Variants in ZNF181 observed in about 807,000 individuals in gnomAD.
The protein encoded by ZNF181 is zinc finger protein 181 (HHZ181).
A neutral mutation model predicts 11.9 loss-of-function variants in ZNF181; 8 were observed. The ratio of observed to expected loss-of-function variants is 0.67; its 90% CI spans 0.39 to 1.21. ZNF181 has a LOEUF of 1.21. Among genes scored for constraint, ZNF181 ranks in the 50% most tolerant of loss-of-function variants. The probability of loss-of-function intolerance (pLI) is 0.01; values close to 1 mark genes in which losing one functional copy is unlikely to be tolerated. For missense variants in ZNF181, 542 were observed against 670.9 expected, an observed-to-expected ratio of 0.81 and a Z score of 2.12; for synonymous variants, 202 against 221.1, an observed-to-expected ratio of 0.91 and a Z score of 0.77.
chr19:34,735,972 T>A, intron 1 of ZNF181: 1 of 552,010 alleles, frequency 1.8e-6, no homozygotes, highest in Non-Finnish European at 3.2e-6. Context: ...TTCCACAGTG[T>A]GTGTCACTCA....
rs1600144254 is a variant in ZNF181, at chr19:34,741,122, C to T, written c.741C>T (p.Gly247=). Reference sequence around the variant, plus strand: ...GCAGTGAATGTGGGAAAGCCTTTGGCAAACAGTCAATCCTCAATCGCCACT... The same window carrying T: ...GCAGTGAATGTGGGAAAGCCTTTGGTAAACAGTCAATCCTCAATCGCCACT... ...YTCSECGKAF[G]KQSILNRHWR... The change falls in exon 4 of 4, where the codon GGC becomes GGT. Residue 247 remains glycine (G), a synonymous_variant. Transcript: ENST00000492450. 1 of 1,613,968 alleles carries T rather than the reference C, an allele frequency of 6.2e-7. No individual in the cohort carries two copies. The highest frequency in any genetic ancestry group is 1.7e-5 in the Admixed American group (1 of 59,998).
intron 1 of ZNF181, among the ~76,000 whole-genome samples, chr19:34,738,535 T>C (rs1373073729): frequency 6.6e-6 from 1 of 150,486 alleles, no homozygotes; most frequent in Non-Finnish European, 1.5e-5. Context: ...ATATAAAGGT[T>C]TTTTTTTTGT....
rs556166309 is a variant in ZNF181 at position 34,742,310 on chromosome 19, A to C, written c.*213A>C. The C allele has an allele frequency of 2.0e-4, 79 of 394,214 alleles. No individual in the cohort carries two copies. Among genetic ancestry groups the C allele is most frequent in the Middle Eastern group, 6.9e-4 (1 of 1,452 alleles). 24.4% of individuals were successfully genotyped at this position (394,214 alleles called of 1,614,324 possible). ...TGTCAGTATTAATCCCTTAATTGAC[A>C]TAAGTATACTCACACTAGGATAAAA... On this transcript the variant is annotated 3_prime_UTR_variant, in exon 4 of 4. Coordinates refer to ENST00000492450, the MANE Select transcript of ZNF181 (RefSeq NM_001029997.4).
intron 3 of ZNF181, among the ~76,000 whole-genome samples, chr19:34,740,192 T>A (rs1293413239): frequency 6.6e-6 from 1 of 152,240 alleles, no homozygotes; most frequent in Non-Finnish European, 1.5e-5. Context: ...TAACATCAAT[T>A]CTGTATTTTA....
In ZNF181 at chr19:34,744,212, A is replaced by G. The variant is rs2069014848; in HGVS notation, c.*2115A>G. The G allele has an allele frequency of 6.6e-6, 1 of 152,226 alleles. No individual in the cohort carries two copies. The highest frequency in any genetic ancestry group is 2.1e-4 in the South Asian group (1 of 4,830). 9.4% of individuals were successfully genotyped at this position (152,226 alleles called of 1,614,324 possible). A position where few individuals can be genotyped will look rare whatever the true frequency, so the allele number is the denominator to read the frequency against. ...TAACAGAAAGCCAAAGCACAGAGGC[A>G]TATTCCAATAGCAATTTGCAAGAGA... On this transcript the variant is annotated 3_prime_UTR_variant, in exon 4 of 4. Coordinates refer to ENST00000492450, the MANE Select transcript of ZNF181 (RefSeq NM_001029997.4).
In ZNF181 at chr19:34,743,717, C is replaced by A. The variant is rs1220916580; in HGVS notation, c.*1620C>A. On this transcript the variant is annotated 3_prime_UTR_variant, in exon 4 of 4. Coordinates refer to ENST00000492450, the MANE Select transcript of ZNF181 (RefSeq NM_001029997.4). ...CTGAGTCATAGTTACGGGAGTTTAC[C>A]TTGAAATCACTAGCCCAGAAGTGTT... is the stretch of plus-strand genomic sequence containing the variant. The A allele has an allele frequency of 6.6e-6, 1 of 152,210 alleles. No individual in the cohort carries two copies. Among genetic ancestry groups the A allele is most frequent in the Non-Finnish European group, 1.5e-5 (1 of 68,034 alleles). The allele number at this position is 152,210 out of a possible 1,614,324, so 9.4% of individuals were successfully genotyped here.
Position 34,739,626 on chromosome 19 carries a change from G to T in ZNF181, c.229+5G>T, listed in dbSNP as rs529509651. The T allele has an allele frequency of 6.2e-7, 1 of 1,613,936 alleles. No homozygotes were observed. Among genetic ancestry groups the T allele is most frequent in the South Asian group, 1.1e-5 (1 of 91,074 alleles). On this transcript the variant is annotated splice_donor_5th_base_variant and intron_variant, in intron 3 of 3. Transcript: ENST00000492450. ...TGTCAAAAGGTATGATTCCAGGTGA[G>T]TCATGGTGAACGAGACAAAGGAAGA... is the stretch of plus-strand genomic sequence containing the variant.
In ZNF181 at chr19:34,744,607, C is replaced by G. The variant is rs2069017811; in HGVS notation, c.*2510C>G. 1 of 152,200 alleles carries G rather than the reference C, an allele frequency of 6.6e-6. No homozygotes were observed. Among genetic ancestry groups the G allele is most frequent in the Non-Finnish European group, 1.5e-5 (1 of 68,086 alleles). 9.4% of individuals were successfully genotyped at this position (152,200 alleles called of 1,614,324 possible). ...ACAGGAGTTTTAAGGTCACAGTGAG[C>G]TATCATCACACCACTGCTTTCCAGC... On this transcript the variant is annotated 3_prime_UTR_variant, in exon 4 of 4. Transcript: ENST00000492450.
chr19:34,742,206 C>T lies in ZNF181; in HGVS notation c.*109C>T, dbSNP rs2068991491. On this transcript the variant is annotated 3_prime_UTR_variant, in exon 4 of 4. Transcript: ENST00000492450. ...TGGTGAATATAGGAAGACCTTTTAG[C>T]AAAGATGCAGGCCAGTTTGTTTATT... The T allele has an allele frequency of 3.5e-6, 4 of 1,149,222 alleles. No homozygotes were observed. Among genetic ancestry groups the T allele is most frequent in the Non-Finnish European group, 4.9e-6 (4 of 820,072 alleles). The allele number at this position is 1,149,222 out of a possible 1,614,324, so 71.2% of individuals were successfully genotyped here. A position where few individuals can be genotyped will look rare whatever the true frequency, so the allele number is the denominator to read the frequency against.
chr19:34,741,694 G>A lies in ZNF181; in HGVS notation c.1313G>A (p.Cys438Tyr), dbSNP rs772099540. The change falls in exon 4 of 4, where the codon TGC (cysteine) becomes TAC (tyrosine). Residue 438 changes from cysteine (C) to tyrosine (Y), a missense_variant. Physicochemically the swap from Cys to Tyr is radical, Grantham distance 194 (BLOSUM62 -2). Transcript: ENST00000492450. ...TEEKPFECQK[C>Y]RKSFNQLESL... The stretch of plus-strand genomic sequence containing the variant: ...GAAAAACCCTTTGAATGTCAGAAAT[G>A]CAGGAAATCCTTCAACCAGCTTGAA... 4.3e-6 allele frequency: 7 copies of A among 1,613,718 alleles called. No homozygotes were observed. Among genetic ancestry groups the A allele is most frequent in the African/African-American group, 1.3e-5 (1 of 74,932 alleles).
chr19:34,739,550 T>C lies in ZNF181; in HGVS notation c.158T>C (p.Val53Ala). The change falls in exon 3 of 4, where the codon GTG (valine) becomes GCG (alanine). Residue 53 changes from valine to alanine, a missense_variant. Physicochemically the swap from Val to Ala is moderately conservative, Grantham distance 64. Coordinates refer to ENST00000492450, the MANE Select transcript of ZNF181 (RefSeq NM_001029997.4). Reference protein sequence around the residue: ...VAGLSVTKPYVITLLEDGKEP... With the variant: ...VAGLSVTKPYAITLLEDGKEP... ...GGTCTTTCTGTAACTAAGCCATATG[T>C]GATCACGTTATTGGAGGATGGAAAA... 1 of 1,614,108 alleles carries C rather than the reference T, an allele frequency of 6.2e-7. No individual in the cohort carries two copies. Among genetic ancestry groups the C allele is most frequent in the East Asian group, 2.2e-5 (1 of 44,872 alleles).
At position 34,740,608 on chromosome 19, in the gene ZNF181, C is replaced by A; in HGVS notation, c.230-3C>A. 3 of 1,545,228 alleles carry A rather than the reference C, an allele frequency of 1.9e-6. No individual in the cohort carries two copies. The highest frequency in any genetic ancestry group is 1.3e-5 in the South Asian group (1 of 78,218). On this transcript the variant is annotated splice_polypyrimidine_tract_variant and splice_region_variant and intron_variant, in intron 3 of 3. Coordinates refer to ENST00000492450, the MANE Select transcript of ZNF181 (RefSeq NM_001029997.4). ...AGTGCTTTGCTTTTTTGATGTATTT[C>A]AGATTGGGAATCAAGATGGGAAAAC...
chr19:34,741,730 T>C lies in ZNF181; in HGVS notation c.1349T>C (p.Met450Thr), dbSNP rs1431904965. The C allele has an allele frequency of 2.5e-6, 4 of 1,613,878 alleles. No homozygotes were observed. The highest frequency in any genetic ancestry group is 2.7e-5 in the African/African-American group (2 of 74,922). Residue 450 changes from methionine to threonine, a missense_variant, in exon 4 of 4, where the codon ATG becomes ACG. Met to Thr is a moderately conservative substitution (Grantham distance 81). Coordinates refer to ENST00000492450, the MANE Select transcript of ZNF181 (RefSeq NM_001029997.4). ...TTCAACCAGCTTGAATCACTGAATA[T>C]GCATTTGAGAAATCACATTAGATTG... The part of the protein sequence containing the change: ...KSFNQLESLN[M>T]HLRNHIRLKP...
chr19:34,742,112 T>C lies in ZNF181; in HGVS notation c.*15T>C, dbSNP rs929155885. On this transcript the variant is annotated 3_prime_UTR_variant, in exon 4 of 4. Coordinates refer to ENST00000492450, the MANE Select transcript of ZNF181 (RefSeq NM_001029997.4). Reference sequence around the variant, plus strand: ...AAACTGTATGAAGCAGTGGTTATCATGGTAAATTTCCTAGATTCTCCCTTA... The same window carrying C: ...AAACTGTATGAAGCAGTGGTTATCACGGTAAATTTCCTAGATTCTCCCTTA... 6 of 1,521,880 alleles carry C rather than the reference T, an allele frequency of 3.9e-6. No individual in the cohort carries two copies. The African/African-American group carries it at 7.0e-5, about 18-fold the overall frequency. 94.3% of individuals were successfully genotyped at this position (1,521,880 alleles called of 1,614,324 possible).
intron 1 of ZNF181, chr19:34,736,068 G>C (rs761595910): frequency 2.9e-6 from 2 of 700,140 alleles, no homozygotes. Context: ...TTTGTTGTCT[G>C]TTATAGCTTC....
intron 1 of ZNF181, 39 bp downstream of exon 1, chr19:34,735,085 A>T (rs748854502): frequency 1.5e-5 from 23 of 1,560,076 alleles, no homozygotes; most frequent in East Asian, 4.8e-5. Flanking sequence ...GAAACACTTT[A>T]TCAGGACTGT....
chr19:34,740,206 A>T (rs2068948663), intron 3 of ZNF181, among the ~76,000 whole-genome samples: 2 of 152,238 alleles, frequency 1.3e-5, no homozygotes, highest in South Asian at 4.1e-4. Flanking sequence ...TATTTTAAGC[A>T]TGTTAATCTG....
At position 34,737,964 on chromosome 19, in the gene ZNF181, A is replaced by C. The variant is rs1171690053; in HGVS notation, c.10-1184A>C. Among the ~76,000 whole-genome samples the C allele has an allele frequency of 2.0e-5, 3 of 152,328 alleles. No homozygotes were observed. In the East Asian group the frequency reaches 5.8e-4, roughly 29 times the overall value. On this transcript the variant is annotated intron_variant, in intron 1 of 3. Coordinates refer to ENST00000492450, the MANE Select transcript of ZNF181 (RefSeq NM_001029997.4). Reference sequence around the variant, plus strand: ...TGTGGCCTGATTTCTAACAGGCCACAGACTGGTACCAGTGGTTATGTACCC... The same window carrying C: ...TGTGGCCTGATTTCTAACAGGCCACCGACTGGTACCAGTGGTTATGTACCC...
At position 34,742,113 on chromosome 19, in the gene ZNF181, G is replaced by A. The variant is rs2068990020; in HGVS notation, c.*16G>A. ...AACTGTATGAAGCAGTGGTTATCAT[G>A]GTAAATTTCCTAGATTCTCCCTTAT... On this transcript the variant is annotated 3_prime_UTR_variant, in exon 4 of 4. Transcript: ENST00000492450. 3.3e-6 allele frequency: 5 copies of A among 1,511,710 alleles called. No homozygotes were observed. The highest frequency in any genetic ancestry group is 2.3e-5 in the Admixed American group (1 of 44,424). The allele number at this position is 1,511,710 out of a possible 1,614,324, so 93.6% of individuals were successfully genotyped here.
Sources: allele counts gnomAD v4.1 joint callset (sites outside exome capture counted in the v4.1 genomes callset), GRCh38; gene constraint gnomAD v4.1.1; transcripts MANE v1.5; gene names NCBI Gene and HGNC (gene_info 2026-07-23, HGNC 2026-07-21).